Variants in ITPK1 observed in about 807,000 individuals in gnomAD.
ITPK1 encodes inositol-tetrakisphosphate 1-kinase.
ITPK1 carries 21 observed loss-of-function variants against 45.3 expected under a neutral mutation model. The ratio of observed to expected loss-of-function variants is 0.46; its 90% confidence interval spans 0.33 to 0.67. ITPK1 has a LOEUF of 0.67. Ranked by LOEUF, ITPK1 falls within the 30% of genes least tolerant of loss-of-function variation. The probability of loss-of-function intolerance (pLI) is 0.02; values close to 1 mark genes in which losing one functional copy is unlikely to be tolerated. For missense variants in ITPK1, 474 were observed against 573.5 expected, an observed-to-expected ratio of 0.83 and a Z score of 1.77; for synonymous variants, 258 against 253.6, an observed-to-expected ratio of 1.02 and a Z score of -0.16.
intron 2 of ITPK1, among the ~76,000 whole-genome samples, chr14:93,097,577 C>T (rs117002693): frequency 0.017 from 2,572 of 152,280 alleles, 34 homozygotes; most frequent in Non-Finnish European, 0.027. Context: ...TGCTTAAAGC[C>T]AGTAGTTTTT....
intron 3 of ITPK1, among the ~76,000 whole-genome samples, chr14:93,065,694 A>G (rs1890715776): frequency 1.3e-5 from 2 of 152,288 alleles, no homozygotes; most frequent in South Asian, 4.1e-4. Context: ...AACCCAATGA[A>G]ACAGCCTGAG....
rs1424844801 is a variant in ITPK1, at chr14:93,036,599, C to T, written c.121-19798G>A. ...GCCACTCTCCCCGGCGTTCTGTGGC[C>T]CACACCCCTCATGACTCACCAGGCT... On this transcript the variant is annotated intron_variant, in intron 3 of 10. Transcript: ENST00000267615. This position sits in a 1 kb window ranked among gnomAD's most constrained non-coding sequence, Gnocchi z 4.1. Among the ~76,000 whole-genome samples the T allele has an allele frequency of 6.6e-6, 1 of 151,856 alleles. No individual in the cohort carries two copies. The highest frequency in any genetic ancestry group is 2.4e-5 in the African/African-American group (1 of 41,300).
At chr14:93,022,227 C>T (rs1214650434) in intron 3 of ITPK1, among the ~76,000 whole-genome samples, 1 of 152,206 alleles carries the variant, frequency 6.6e-6, no homozygotes, top group Non-Finnish European at 1.5e-5. Context: ...CACCCACTCC[C>T]AGGATGCTGG....
In ITPK1 at chr14:92,995,817, G is replaced by C. The variant is rs554127138; in HGVS notation, c.247-1820C>G. ...ACATGGAGCCTGGGGACTAACCGAG[G>C]AGTCTCCTTAAGGAAGGTTTTATCT... On this transcript the variant is annotated intron_variant, in intron 4 of 10. Transcript: ENST00000267615. Among the ~76,000 whole-genome samples, 123 of 152,306 alleles carry C rather than the reference G, an allele frequency of 8.1e-4. 1 individual carries two copies. Among genetic ancestry groups the C allele is most frequent in the Admixed American group, 1.7e-3 (26 of 15,298 alleles).
chr14:93,096,479 G>A (rs182735489), intron 2 of ITPK1, among the ~76,000 whole-genome samples: 372 of 152,348 alleles, frequency 2.4e-3, no homozygotes, highest in Non-Finnish European at 3.6e-3. Flanking sequence ...CATGCACCAC[G>A]AGGCCTGGCA....
intron 6 of ITPK1, 44 bp from the exon 7 acceptor site, chr14:92,962,439 G>A (rs538225581): frequency 2.9e-5 from 40 of 1,357,374 alleles, no homozygotes; most frequent in East Asian, 9.2e-5. Context: ...TAGTGAGGCC[G>A]TTCACCCACA....
intron 3 of ITPK1, among the ~76,000 whole-genome samples, chr14:93,064,124 A>C (rs1053602540): frequency 2.6e-5 from 4 of 152,100 alleles, no homozygotes; most frequent in African/African-American, 9.7e-5. Flanking sequence ...TCTACCAAAA[A>C]TACAAAAAAT....
chr14:92,994,786 C>A (rs1359513652), intron 4 of ITPK1, among the ~76,000 whole-genome samples: 1 of 152,184 alleles, frequency 6.6e-6, no homozygotes. Context: ...CTGAAGAAGG[C>A]CTCAACCAGC....
intron 3 of ITPK1, among the ~76,000 whole-genome samples, chr14:93,054,942 G>T (rs1234964389): frequency 6.6e-6 from 1 of 152,188 alleles, no homozygotes; most frequent in Non-Finnish European, 1.5e-5. Flanking sequence ...GAGGACAGTT[G>T]CAAGACACCA....
chr14:93,103,563 C>G (rs1892407765), intron 2 of ITPK1, among the ~76,000 whole-genome samples: 1 of 152,198 alleles, frequency 6.6e-6, no homozygotes, highest in Admixed American at 6.5e-5. Context: ...CTCCAGGAGA[C>G]TGTGGTGCTC....
rs1887218018 is a variant in ITPK1 at position 92,938,626 on chromosome 14, C to G, written c.*2935G>C. On this transcript the variant is annotated 3_prime_UTR_variant, in exon 11 of 11. Coordinates refer to ENST00000267615, the MANE Select transcript of ITPK1 (RefSeq NM_014216.6). ...GGCACAGGAAGCCCCATGGAACCTG[C>G]CAGGTTGCAGCTGGGTCCAATCCCG... The G allele has an allele frequency of 4.0e-6, 4 of 1,000,368 alleles. No individual in the cohort carries two copies. The highest frequency in any genetic ancestry group is 2.0e-5 in the Admixed American group (1 of 51,072). 62.0% of individuals were successfully genotyped at this position (1,000,368 alleles called of 1,614,324 possible).
At chr14:93,069,261 C>G in intron 3 of ITPK1, 1 of 154,540 alleles carries the variant, frequency 6.5e-6, no homozygotes, top group Non-Finnish European at 1.5e-5. Flanking sequence ...CAGGTTGGAG[C>G]ACCCAGCTTT....
At chr14:92,961,613 G>A (rs909817641) in intron 7 of ITPK1, among the ~76,000 whole-genome samples, 2 of 152,194 alleles carry the variant, frequency 1.3e-5, no homozygotes, top group Admixed American at 6.5e-5. Context: ...GGCCCAGCCC[G>A]GTGCCTGCCA....
At chr14:92,976,764 GT>G (rs138780956) in intron 5 of ITPK1, among the ~76,000 whole-genome samples, 3,809 of 152,360 alleles carry the variant, frequency 0.025, 177 homozygotes, top group African/African-American at 0.087. Context: ...GAGGCCCTGA[GT>G]TGGTTGCACG....
intron 3 of ITPK1, among the ~76,000 whole-genome samples, chr14:93,045,700 A>C (rs1889745058): frequency 6.6e-6 from 1 of 152,210 alleles, no homozygotes; most frequent in African/African-American, 2.4e-5. Flanking sequence ...GCTTACATGC[A>C]ATCAGAGAAC....
chr14:93,055,324 C>T (rs1890177444), intron 3 of ITPK1, among the ~76,000 whole-genome samples: 1 of 152,154 alleles, frequency 6.6e-6, no homozygotes, highest in South Asian at 2.1e-4. Flanking sequence ...TGGGTACATG[C>T]CATGGAGGAT....
At chr14:93,084,033 C>T (rs1891554324) in intron 2 of ITPK1, among the ~76,000 whole-genome samples, 1 of 152,228 alleles carries the variant, frequency 6.6e-6, no homozygotes, top group Non-Finnish European at 1.5e-5. Context: ...CAGGCATGGC[C>T]ACAGGACTTG....
chr14:92,957,237 T>G (rs1321400465), intron 8 of ITPK1, among the ~76,000 whole-genome samples: 1 of 152,254 alleles, frequency 6.6e-6, no homozygotes, highest in African/African-American at 2.4e-5. Context: ...CTTCTGATGA[T>G]GTGGGTTCCC....
rs1886914693 is a variant in ITPK1 at position 92,993,907 on chromosome 14, T to C, written c.337A>G (p.Ile113Val). 1 of 1,612,386 alleles carries C rather than the reference T, an allele frequency of 6.2e-7. No individual in the cohort carries two copies. The highest frequency in any genetic ancestry group is 1.1e-5 in the South Asian group (1 of 91,040). ...TCCATGTAGGCCTCAATCTTCCGGA[T>C]GAGCTCATAGGACTTGGAGCGGTCA... is the stretch of plus-strand genomic sequence containing the variant. Reference protein sequence around the residue: ...LLDRSKSYELIRKIEAYMEDD... With the variant: ...LLDRSKSYELVRKIEAYMEDD... Residue 113 changes from isoleucine (I) to valine (V), a missense_variant, in exon 5 of 11, where the codon ATC becomes GTC. Coordinates refer to ENST00000267615, the MANE Select transcript of ITPK1 (RefSeq NM_014216.6).
Sources: gnomAD v4.1 joint callset for allele counts (sites outside exome capture counted in the v4.1 genomes callset) on GRCh38, gnomAD v4.1.1 for gene constraint, Gnocchi (gnomAD v3.1) non-coding constraint, MANE v1.5 for transcripts, NCBI Gene and HGNC (gene_info 2026-07-23, HGNC 2026-07-21) for gene names.